Variants in PSMD7 observed in about 807,000 individuals in gnomAD.
PSMD7 encodes the protein 26S proteasome non-ATPase regulatory subunit 7.
A neutral mutation model predicts 36.4 loss-of-function variants in PSMD7; 13 were observed. The observed-to-expected ratio is 0.36, with a 90% CI of 0.23 to 0.57. PSMD7 has a LOEUF of 0.57. Ranked by LOEUF, PSMD7 falls within the 20% of genes least tolerant of loss-of-function variation. The pLI, the probability that PSMD7 is intolerant of heterozygous loss-of-function variation, is 0.83. For missense variants in PSMD7, 298 were observed against 393.6 expected, an observed-to-expected ratio of 0.76 and a Z score of 2.06; for synonymous variants, 186 against 151.0, an observed-to-expected ratio of 1.23 and a Z score of -1.70.
At chr16:74,298,999 A>G (rs776593597) in intron 1 of PSMD7, among the ~76,000 whole-genome samples, 4 of 151,938 alleles carry the variant, frequency 2.6e-5, no homozygotes, top group Non-Finnish European at 5.9e-5. Flanking sequence ...TTGGAAATTC[A>G]ATTTCCCCCT....
At position 74,305,474 on chromosome 16, in the gene PSMD7, A is replaced by T; in HGVS notation, c.716A>T (p.Asp239Val). 6.2e-7 allele frequency: 1 copy of T among 1,614,146 alleles called. No homozygotes were observed. Among genetic ancestry groups the T allele is most frequent in the Non-Finnish European group, 8.5e-7 (1 of 1,180,026 alleles). ...QLQDVFNLLPDVSLQEFVKAF... is the reference protein window; with the variant it reads ...QLQDVFNLLPVVSLQEFVKAF... ...CAGGACGTCTTCAACCTGCTGCCAG[A>T]TGTCAGCCTGCAGGAGTTCGTCAAG... The change falls in exon 7 of 7, where the codon GAT becomes GTT. Residue 239 changes from aspartate (D) to valine (V), a missense_variant. Asp to Val is a radical substitution (Grantham distance 152, BLOSUM62 -3). Transcript: ENST00000219313.
chr16:74,300,293 C>A, intron 2 of PSMD7, 87 bp downstream of exon 2: 1 of 1,196,064 alleles, frequency 8.4e-7, no homozygotes, highest in Admixed American at 1.9e-5. Context: ...CCGCTTTTGA[C>A]TACAACCCAG....
At chr16:74,303,403 T>TA (rs1463093067) in intron 5 of PSMD7, among the ~76,000 whole-genome samples, 1 of 152,242 alleles carries the variant, frequency 6.6e-6, no homozygotes, top group Non-Finnish European at 1.5e-5. Context: ...CCTGTACTCT[T>TA]ACCACTATGC....
chr16:74,302,906 G>A (rs1464709015), intron 5 of PSMD7, among the ~76,000 whole-genome samples: 2 of 152,222 alleles, frequency 1.3e-5, no homozygotes, highest in African/African-American at 4.8e-5. Flanking sequence ...TCCTTGCATC[G>A]AGCTCTGTCT....
Position 74,305,337 on chromosome 16 carries a change from C to T in PSMD7, c.579C>T (p.Asn193=), listed in dbSNP as rs763392881. The T allele has an allele frequency of 2.9e-5, 46 of 1,613,898 alleles. No individual in the cohort carries two copies. Among genetic ancestry groups the T allele is most frequent in the Non-Finnish European group, 3.5e-5 (41 of 1,180,000 alleles). ...GCACTCTGTCCCAGCGGATCACAAACCAGGTCCATGGTTTGAAGGGACTGA... is the reference window on the plus strand; with the variant it reads ...GCACTCTGTCCCAGCGGATCACAAATCAGGTCCATGGTTTGAAGGGACTGA... ...TVGTLSQRIT[N]QVHGLKGLNS... is the part of the protein sequence containing the mutation. The change falls in exon 7 of 7, where the codon AAC becomes AAT. Residue 193 remains asparagine, a synonymous_variant. Coordinates refer to ENST00000219313, the MANE Select transcript of PSMD7 (RefSeq NM_002811.5).
At position 74,305,806 on chromosome 16, in the gene PSMD7, T is replaced by C; in HGVS notation, c.*73T>C. 1 of 1,370,704 alleles carries C rather than the reference T, an allele frequency of 7.3e-7. No homozygotes were observed. The highest frequency in any genetic ancestry group is 9.4e-7 in the Non-Finnish European group (1 of 1,065,004). The allele number at this position is 1,370,704 out of a possible 1,614,324, so 84.9% of individuals were successfully genotyped here. On this transcript the variant is annotated 3_prime_UTR_variant, in exon 7 of 7. Transcript: ENST00000219313. ...ACTAAATCAGTGTGCTGCTAGAGGG[T>C]TCTTTTTCACTTGACATGCTTATTA...
intron 1 of PSMD7, among the ~76,000 whole-genome samples, chr16:74,297,959 A>C (rs1253968945): frequency 6.8e-6 from 1 of 147,156 alleles, no homozygotes; most frequent in Non-Finnish European, 1.5e-5. Flanking sequence ...ACTCCGTCTC[A>C]AAAAAAAAAA....
intron 5 of PSMD7, 98 bp from the exon 6 acceptor site, chr16:74,304,205 A>T (rs2034178096): frequency 9.4e-7 from 1 of 1,060,162 alleles, no homozygotes; most frequent in Admixed American, 1.8e-5. Flanking sequence ...CACTCATTAA[A>T]TGAGCTGACT....
intron 1 of PSMD7, chr16:74,299,475 G>A: frequency 2.4e-6 from 1 of 418,524 alleles, no homozygotes; most frequent in South Asian, 1.6e-5. Flanking sequence ...GACCTTCTGA[G>A]CTCAAGTAGT....
At chr16:74,301,444 G>T in intron 3 of PSMD7, 111 bp from the exon 4 acceptor site, 1 of 784,482 alleles carries the variant, frequency 1.3e-6, no homozygotes, top group Admixed American at 2.6e-5. Flanking sequence ...AAATATGTCT[G>T]GAATTTTCAA....
At position 74,305,753 on chromosome 16, in the gene PSMD7, T is replaced by C. The variant is rs758437475; in HGVS notation, c.*20T>C. The C allele has an allele frequency of 7.1e-7, 1 of 1,407,616 alleles. No homozygotes were observed. The highest frequency in any genetic ancestry group is 9.3e-7 in the Non-Finnish European group (1 of 1,078,170). The allele number at this position is 1,407,616 out of a possible 1,614,324, so 87.2% of individuals were successfully genotyped here. A position where few individuals can be genotyped will look rare whatever the true frequency, so the allele number is the denominator to read the frequency against. Reference sequence around the variant, plus strand: ...AAGTAAAACATGTATTAAATAGCTTTTTTAATTTGTAAATTAAAATCTTAC... The same window carrying C: ...AAGTAAAACATGTATTAAATAGCTTCTTTAATTTGTAAATTAAAATCTTAC... On this transcript the variant is annotated 3_prime_UTR_variant, in exon 7 of 7. Coordinates refer to ENST00000219313, the MANE Select transcript of PSMD7 (RefSeq NM_002811.5).
At chr16:74,297,348 C>T (rs1435812051) in intron 1 of PSMD7, among the ~76,000 whole-genome samples, 3 of 151,510 alleles carry the variant, frequency 2.0e-5, no homozygotes, top group Non-Finnish European at 2.9e-5. Flanking sequence ...CCCCCAAGCT[C>T]GTGTCTGTCA....
At chr16:74,297,276 C>T (rs1292137916) in intron 1 of PSMD7, among the ~76,000 whole-genome samples, 1 of 152,202 alleles carries the variant, frequency 6.6e-6, no homozygotes. Flanking sequence ...TTCGTTTTAC[C>T]GAAATCTGGA....
rs771389669 is a variant in PSMD7 at position 74,305,387 on chromosome 16, G to T, written c.629G>T (p.Ser210Ile). The change falls in exon 7 of 7, where the codon AGC becomes ATC. Residue 210 changes from serine to isoleucine, a missense_variant. Physicochemically the swap from Ser to Ile is moderately radical, Grantham distance 142 (BLOSUM62 -2). Transcript: ENST00000219313. ...GLNSKLLDIRSYLEKVATGKL... is the reference protein window; with the variant it reads ...GLNSKLLDIRIYLEKVATGKL... ...AACTCCAAGCTTCTGGATATCAGGA[G>T]CTACCTGGAAAAAGTCGCCACAGGC... 72 of 1,614,082 alleles carry T rather than the reference G, an allele frequency of 4.5e-5. No homozygotes were observed. The highest frequency in any genetic ancestry group is 5.9e-5 in the Non-Finnish European group (70 of 1,180,044).
chr16:74,304,483 T>C (rs539130504), intron 6 of PSMD7, 89 bp downstream of exon 6: 5 of 1,172,730 alleles, frequency 4.3e-6, no homozygotes, highest in East Asian at 2.4e-5. Flanking sequence ...TATGGAGACC[T>C]GGGGTCTCGT....
chr16:74,302,778 A>G (rs2034165490), intron 5 of PSMD7, among the ~76,000 whole-genome samples: 1 of 152,212 alleles, frequency 6.6e-6, no homozygotes, highest in South Asian at 2.1e-4. Context: ...CCTTTTACAA[A>G]TGAAAAGTTT....
At chr16:74,304,007 A>C in intron 5 of PSMD7, 1 of 248,238 alleles carries the variant, frequency 4.0e-6, no homozygotes. Flanking sequence ...TATACTTTTA[A>C]GAATCAACCT....
intron 1 of PSMD7, chr16:74,299,830 T>A (rs1347926277): frequency 2.0e-6 from 1 of 491,400 alleles, no homozygotes; most frequent in African/African-American, 1.9e-5. Flanking sequence ...TGGGAAGCTT[T>A]CATTTTCTTC....
chr16:74,300,215 C>A lies in PSMD7; in HGVS notation c.166+9C>A. ...ATCGAACAGTTTTGCAGGTAAAAGA[C>A]AAATTTTATGTTTTTCCGAGCATGA... is the stretch of plus-strand genomic sequence containing the variant. On this transcript the variant is annotated intron_variant, in intron 2 of 6. Coordinates refer to ENST00000219313, the MANE Select transcript of PSMD7 (RefSeq NM_002811.5). 1.2e-6 allele frequency: 2 copies of A among 1,606,298 alleles called. No homozygotes were observed. Among genetic ancestry groups the A allele is most frequent in the African/African-American group, 1.3e-5 (1 of 74,854 alleles).
Sources: gnomAD v4.1 joint callset for allele counts (sites outside exome capture counted in the v4.1 genomes callset) on GRCh38, gnomAD v4.1.1 for gene constraint, MANE v1.5 for transcripts, NCBI Gene and HGNC (gene_info 2026-07-23, HGNC 2026-07-21) for gene names.